The following CSMD1 variants were observed in gnomAD, a reference collection of about 807,000 sequenced individuals.
CSMD1 encodes the protein CUB and Sushi multiple domains 1.
A neutral mutation model predicts 417.5 loss-of-function variants in CSMD1; 213 were observed. The observed-to-expected ratio is 0.51, with a 90% CI of 0.46 to 0.57. The LOEUF (loss-of-function observed/expected upper bound fraction) is 0.57, where lower values mean the gene tolerates loss of function less well. CSMD1 is among the 20% of genes least tolerant of loss of function. The pLI, the probability that CSMD1 is intolerant of heterozygous loss-of-function variation, is 0.00. For missense variants in CSMD1, 6,923 were observed against 4,529.7 expected (o/e 1.53, Z -15.17); for synonymous variants, 2,862 against 1,736.8 (o/e 1.65, Z -16.11).
At chr8:3,954,714 G>A (rs767388971) in intron 5 of CSMD1, among the ~76,000 whole-genome samples, 1 of 152,208 alleles carries the variant, frequency 6.6e-6, no homozygotes. Context: ...TTCCCTTAGG[G>A]CAGGCTGCCC....
chr8:4,045,772 C>A (rs1798117493), intron 3 of CSMD1, among the ~76,000 whole-genome samples: 1 of 152,158 alleles, frequency 6.6e-6, no homozygotes, highest in Admixed American at 6.5e-5. Context: ...GACTAAATTA[C>A]ACACTTTAAA....
chr8:3,222,026 C>T (rs553259358), intron 28 of CSMD1, among the ~76,000 whole-genome samples: 1 of 152,120 alleles, frequency 6.6e-6, no homozygotes, highest in Non-Finnish European at 1.5e-5. Context: ...TCTGGTCTCT[C>T]CCTCCTCACT....
intron 3 of CSMD1, among the ~76,000 whole-genome samples, chr8:4,352,693 G>C (rs148454779): frequency 2.0e-5 from 3 of 152,282 alleles, no homozygotes; most frequent in East Asian, 3.9e-4. Flanking sequence ...TGCATTTTAA[G>C]TTTTACTTTC....
rs1439989565 is a variant in CSMD1 at position 3,191,132 on chromosome 8, T to C, written c.5195-1017A>G. 3.9e-5 allele frequency among the ~76,000 whole-genome samples: 6 copies of C among 152,184 alleles called. No individual in the cohort carries two copies. In the South Asian group the frequency reaches 8.3e-4, roughly 21 times the overall value. On this transcript the variant is annotated intron_variant, in intron 33 of 69. Coordinates refer to ENST00000635120, the MANE Select transcript of CSMD1 (RefSeq NM_033225.6). ...TGCCATCATGTTGCATTTAGTCCTC[T>C]CTAAAGTCACCTAGGATGAGCTCAA...
In CSMD1 at chr8:4,225,197, C is replaced by T. The variant is rs150264538; in HGVS notation, c.416-193098G>A. ...TATTTCAGGACACATGGCAACTCAG[C>T]GCACACCTCCATAAACCAGAGACGG... On this transcript the variant is annotated intron_variant, in intron 3 of 69. Coordinates refer to ENST00000635120, the MANE Select transcript of CSMD1 (RefSeq NM_033225.6). 1.7e-3 allele frequency among the ~76,000 whole-genome samples: 258 copies of T among 152,202 alleles called. 6 individuals are homozygous for T. In the East Asian group the frequency reaches 0.021, roughly 12 times the overall value.
At chr8:3,947,124 T>G (rs932566405) in intron 5 of CSMD1, among the ~76,000 whole-genome samples, 2 of 152,214 alleles carry the variant, frequency 1.3e-5, no homozygotes, top group African/African-American at 4.8e-5. Context: ...AGGAATTGAT[T>G]CAGTCTTTCA....
At position 4,263,834 on chromosome 8, in the gene CSMD1, G is replaced by C. The variant is rs529162191; in HGVS notation, c.415+156119C>G. ...ATACATATTTTCTAAACCAATTTTT[G>C]ATAGCACTCAAAAACATTAACTTAT... On this transcript the variant is annotated intron_variant, in intron 3 of 69. Transcript: ENST00000635120. Among the ~76,000 whole-genome samples the C allele has an allele frequency of 3.5e-4, 54 of 152,184 alleles. 2 individuals are homozygous for C. In the South Asian group the frequency reaches 0.011, roughly 31 times the overall value.
At chr8:3,880,355 G>T (rs1806126667) in intron 5 of CSMD1, among the ~76,000 whole-genome samples, 1 of 152,072 alleles carries the variant, frequency 6.6e-6, no homozygotes. Context: ...ATTGTTAATT[G>T]ACAGTAAACA....
At chr8:3,848,068 T>TC (rs1158580996) in intron 5 of CSMD1, among the ~76,000 whole-genome samples, 1 of 130,288 alleles carries the variant, frequency 7.7e-6, no homozygotes, top group African/African-American at 3.4e-5. Flanking sequence ...CCTGGTGATA[T>TC]TTCTCTCTCT....
chr8:3,107,305 G>A (rs919604980), intron 45 of CSMD1: 1 of 159,002 alleles, frequency 6.3e-6, no homozygotes, highest in Non-Finnish European at 1.4e-5. Context: ...TCAATGAAAT[G>A]TCACTGTTAT....
chr8:3,124,548 G>C (rs1225588727), intron 41 of CSMD1, among the ~76,000 whole-genome samples: 3 of 152,214 alleles, frequency 2.0e-5, no homozygotes, highest in African/African-American at 7.2e-5. Flanking sequence ...AACATAGAAA[G>C]AGTTCAGTGT....
chr8:4,290,271 A>G (rs1311776598), intron 3 of CSMD1, among the ~76,000 whole-genome samples: 1 of 152,194 alleles, frequency 6.6e-6, no homozygotes, highest in Non-Finnish European at 1.5e-5. Context: ...TGTTAGAAGA[A>G]AAGCATGGTT....
At chr8:3,248,596 C>G (rs530815668) in intron 26 of CSMD1, among the ~76,000 whole-genome samples, 2 of 139,320 alleles carry the variant, frequency 1.4e-5, no homozygotes, top group Non-Finnish European at 1.5e-5. Flanking sequence ...GTGGCGCGAT[C>G]TCAGCTCACT....
At chr8:3,402,197 A>G (rs577897363) in intron 15 of CSMD1, among the ~76,000 whole-genome samples, 1 of 152,124 alleles carries the variant, frequency 6.6e-6, no homozygotes, top group Admixed American at 6.5e-5. Flanking sequence ...TCTAGACTTG[A>G]AAGAGAACTC....
chr8:4,567,290 G>C (rs145161101), intron 2 of CSMD1, among the ~76,000 whole-genome samples: 3 of 152,132 alleles, frequency 2.0e-5, no homozygotes, highest in Non-Finnish European at 2.9e-5. Flanking sequence ...ATTTCTCAGA[G>C]CTTGTAAAAC....
intron 7 of CSMD1, among the ~76,000 whole-genome samples, chr8:3,631,866 CT>C (rs771255853): frequency 7.9e-5 from 12 of 152,158 alleles, no homozygotes; most frequent in East Asian, 1.9e-4. Flanking sequence ...GAATTCCCCC[CT>C]GGTCCAAAGA....
At position 3,913,532 on chromosome 8, in the gene CSMD1, C is replaced by T. The variant is rs574604657; in HGVS notation, c.818+84371G>A. Among the ~76,000 whole-genome samples the T allele has an allele frequency of 8.1e-4, 124 of 152,176 alleles. 1 individual carries two copies. Among genetic ancestry groups the T allele is most frequent in the Middle Eastern group, 3.4e-3 (1 of 294 alleles). Reference sequence around the variant, plus strand: ...TGTGTTTCAGAAAGGATGGAGCGAGCCCTAGGTGCAAGTAATAATAAGGCA... The same window carrying T: ...TGTGTTTCAGAAAGGATGGAGCGAGTCCTAGGTGCAAGTAATAATAAGGCA... On this transcript the variant is annotated intron_variant, in intron 5 of 69. Coordinates refer to ENST00000635120, the MANE Select transcript of CSMD1 (RefSeq NM_033225.6).
chr8:3,754,549 G>T (rs750859950), intron 5 of CSMD1, among the ~76,000 whole-genome samples: 2 of 152,062 alleles, frequency 1.3e-5, no homozygotes, highest in Admixed American at 6.6e-5. Context: ...CCGCCTCCTG[G>T]GTTCAAGCGA....
At chr8:4,426,856 G>C (rs1797589867) in intron 2 of CSMD1, among the ~76,000 whole-genome samples, 1 of 151,058 alleles carries the variant, frequency 6.6e-6, no homozygotes, top group African/African-American at 2.4e-5. Flanking sequence ...CTATATTATA[G>C]CAGAATTCAA....
Sources: gnomAD v4.1 joint callset for allele counts (sites outside exome capture counted in the v4.1 genomes callset) on GRCh38, gnomAD v4.1.1 for gene constraint, MANE v1.5 for transcripts, NCBI Gene and HGNC (gene_info 2026-07-23, HGNC 2026-07-21) for gene names.